Variants in NCK1 observed in about 807,000 individuals in gnomAD.
NCK1 encodes the protein NCK adaptor protein 1, also known as SH2/SH3 adapter protein NCK1.
A neutral mutation model predicts 36.6 loss-of-function variants in NCK1; 19 were observed. The observed-to-expected ratio is 0.52, with a 90% CI of 0.36 to 0.76. The LOEUF is 0.76. Ranked by LOEUF, NCK1 falls within the 30% of genes least tolerant of loss-of-function variation. The pLI is 0.00. For missense variants in NCK1, 358 were observed against 445.6 expected (o/e 0.80, Z 1.77); for synonymous variants, 165 against 156.0 (o/e 1.06, Z -0.43).
In NCK1 at chr3:136,939,098, T is replaced by C. The variant is rs148269729; in HGVS notation, c.227-6485T>C. Reference sequence around the variant, plus strand: ...TTAGTAAAATCCACCAGTGAAACCATCTGGTCCAGAGCACATTTTTGATGC... The same window carrying C: ...TTAGTAAAATCCACCAGTGAAACCACCTGGTCCAGAGCACATTTTTGATGC... On this transcript the variant is annotated intron_variant, in intron 2 of 3. Coordinates refer to ENST00000481752, the MANE Select transcript of NCK1 (RefSeq NM_001291999.2). 1.8e-3 allele frequency among the ~76,000 whole-genome samples: 267 copies of C among 152,348 alleles called. 1 individual carries two copies. Among genetic ancestry groups the C allele is most frequent in the African/African-American group, 6.1e-3 (252 of 41,598 alleles).
chr3:136,864,761 C>CTT (rs747974189), intron 1 of NCK1, among the ~76,000 whole-genome samples: 2 of 108,616 alleles, frequency 1.8e-5, no homozygotes, highest in Admixed American at 1.1e-4. Flanking sequence ...TTTTTCTTTT[C>CTT]TTTTTTTTTT....
Position 136,928,029 on chromosome 3 carries a change from A to C in NCK1, c.28A>C (p.Lys10Gln). 6.2e-7 allele frequency: 1 copy of C among 1,614,198 alleles called. No individual in the cohort carries two copies. The highest frequency in any genetic ancestry group is 8.5e-7 in the Non-Finnish European group (1 of 1,180,018). ...GGCAGAAGAAGTGGTGGTAGTAGCC[A>C]AATTTGATTATGTGGCCCAACAAGA... is the stretch of plus-strand genomic sequence containing the variant. The part of the protein sequence containing the change: MAEEVVVVA[K>Q]FDYVAQQEQE... The change falls in exon 2 of 4, where the codon AAA becomes CAA. Residue 10 changes from lysine (K) to glutamine (Q), a missense_variant. Lys to Gln is a moderately conservative substitution (Grantham distance 53, BLOSUM62 1). Around this residue, in one of 3 missense-constraint regions of NCK1, gnomAD observed 143 missense variants for 162.4 expected, o/e 0.88. Transcript: ENST00000481752.
chr3:136,945,505 T>C lies in NCK1; in HGVS notation c.227-78T>C, dbSNP rs1482347679. On this transcript the variant is annotated intron_variant, in intron 2 of 3. Coordinates refer to ENST00000481752, the MANE Select transcript of NCK1 (RefSeq NM_001291999.2). Reference sequence around the variant, plus strand: ...ATCTATATAGAGTTGAAGATCTCTTTTTAATAATGAATAAGTTCATTCTTT... The same window carrying C: ...ATCTATATAGAGTTGAAGATCTCTTCTTAATAATGAATAAGTTCATTCTTT... 6 of 1,051,224 alleles carry C rather than the reference T, an allele frequency of 5.7e-6. No individual in the cohort carries two copies. The East Asian group carries it at 1.3e-4, about 22-fold the overall frequency. The allele number at this position is 1,051,224 out of a possible 1,614,324, so 65.1% of individuals were successfully genotyped here.
chr3:136,920,234 T>C lies in NCK1; in HGVS notation c.-18-7750T>C, dbSNP rs1026485518. 3.3e-5 allele frequency among the ~76,000 whole-genome samples: 5 copies of C among 152,276 alleles called. No individual in the cohort carries two copies. The South Asian group carries it at 1.0e-3, about 32-fold the overall frequency. Reference sequence around the variant, plus strand: ...GTCAGAAATAAAGGCTACTTAAAAATTAAGTTTTTCTTCTTTTTTTTTAAA... The same window carrying C: ...GTCAGAAATAAAGGCTACTTAAAAACTAAGTTTTTCTTCTTTTTTTTTAAA... On this transcript the variant is annotated intron_variant, in intron 1 of 3. Transcript: ENST00000481752.
chr3:136,868,964 G>A (rs543685295), intron 1 of NCK1, among the ~76,000 whole-genome samples: 2 of 152,186 alleles, frequency 1.3e-5, no homozygotes, highest in African/African-American at 4.8e-5. Context: ...GAGGCCGGGC[G>A]CGGTGGCTCA....
rs564555257 is a variant in NCK1, at chr3:136,887,885, G to C, written c.-19+25532G>C. Reference sequence around the variant, plus strand: ...GCAAGAATTCAAACTGTAATGTTTCGGTTCTTGTTATCTTTTATTCATCGC... The same window carrying C: ...GCAAGAATTCAAACTGTAATGTTTCCGTTCTTGTTATCTTTTATTCATCGC... On this transcript the variant is annotated intron_variant, in intron 1 of 3. Coordinates refer to ENST00000481752, the MANE Select transcript of NCK1 (RefSeq NM_001291999.2). Among the ~76,000 whole-genome samples, 31 of 151,860 alleles carry C rather than the reference G, an allele frequency of 2.0e-4. No homozygotes were observed. The South Asian group carries it at 6.5e-3, about 32-fold the overall frequency.
At chr3:136,883,073 C>A (rs1194547158) in intron 1 of NCK1, among the ~76,000 whole-genome samples, 1 of 152,136 alleles carries the variant, frequency 6.6e-6, no homozygotes, top group Non-Finnish European at 1.5e-5. Flanking sequence ...CATGCGCCAC[C>A]ACACCCAGCT....
intron 2 of NCK1, among the ~76,000 whole-genome samples, chr3:136,943,152 T>C (rs1423149000): frequency 1.3e-5 from 2 of 152,252 alleles, no homozygotes; most frequent in Non-Finnish European, 2.9e-5. Flanking sequence ...TTTTTTTTTT[T>C]ACTAGATTCC....
chr3:136,908,080 T>G (rs772550419), intron 1 of NCK1, among the ~76,000 whole-genome samples: 9 of 152,196 alleles, frequency 5.9e-5, no homozygotes, highest in Non-Finnish European at 1.0e-4. Flanking sequence ...TGTTTACCAT[T>G]CAAAAGTACT....
intron 1 of NCK1, among the ~76,000 whole-genome samples, chr3:136,909,907 G>A (rs1014666153): frequency 6.6e-6 from 1 of 151,880 alleles, no homozygotes; most frequent in African/African-American, 2.4e-5. Flanking sequence ...CTTCTCTTAC[G>A]GTTCCTATGT....
chr3:136,940,035 T>C (rs1247414581), intron 2 of NCK1, among the ~76,000 whole-genome samples: 3 of 151,884 alleles, frequency 2.0e-5, no homozygotes, highest in African/African-American at 7.3e-5. Context: ...TATTTTACTT[T>C]TTATTTTTGT....
At chr3:136,914,608 C>A (rs1404686132) in intron 1 of NCK1, among the ~76,000 whole-genome samples, 5 of 152,112 alleles carry the variant, frequency 3.3e-5, no homozygotes, top group East Asian at 3.8e-4. Context: ...CCATTGGAGA[C>A]CTTTTATTTA....
chr3:136,908,754 T>C (rs1292037608), intron 1 of NCK1, among the ~76,000 whole-genome samples: 1 of 152,200 alleles, frequency 6.6e-6, no homozygotes, highest in African/African-American at 2.4e-5. Flanking sequence ...AGAAAAGATA[T>C]TAAAAGTAGA....
At chr3:136,933,502 C>T (rs181421607) in intron 2 of NCK1, among the ~76,000 whole-genome samples, 297 of 151,842 alleles carry the variant, frequency 2.0e-3, no homozygotes, top group Non-Finnish European at 3.7e-3. Flanking sequence ...AGAAACAGTG[C>T]TATAGGAAAA....
intron 1 of NCK1, among the ~76,000 whole-genome samples, chr3:136,901,140 CT>C (rs1184333190): frequency 6.6e-6 from 1 of 152,054 alleles, no homozygotes; most frequent in African/African-American, 2.4e-5. Context: ...TTATCAAGTG[CT>C]TTTTCTGTGT....
chr3:136,927,052 A>G (rs1576982462), intron 1 of NCK1, among the ~76,000 whole-genome samples: 1 of 151,826 alleles, frequency 6.6e-6, no homozygotes, highest in Non-Finnish European at 1.5e-5. Context: ...GCTAACTGCA[A>G]CCTCCGCCTC....
chr3:136,904,391 G>A (rs1939626596), intron 1 of NCK1, among the ~76,000 whole-genome samples: 1 of 152,118 alleles, frequency 6.6e-6, no homozygotes, highest in African/African-American at 2.4e-5. Flanking sequence ...GGCCTCAAGT[G>A]ATCCACCTGC....
chr3:136,890,554 G>C (rs181861789), intron 1 of NCK1, among the ~76,000 whole-genome samples: 4 of 152,360 alleles, frequency 2.6e-5, no homozygotes, highest in Admixed American at 2.6e-4. Context: ...CCAGCACGCT[G>C]TCACCTCTCA....
intron 2 of NCK1, 83 bp downstream of exon 2, chr3:136,928,310 T>G (rs927588902): frequency 1.5e-6 from 2 of 1,315,036 alleles, no homozygotes; most frequent in African/African-American, 3.0e-5. Context: ...CTGGCAGCAG[T>G]GTGCATAATT....
Sources: allele counts gnomAD v4.1 joint callset (sites outside exome capture counted in the v4.1 genomes callset), GRCh38; gene constraint gnomAD v4.1.1; regional missense constraint gnomAD v4.1.1; transcripts MANE v1.5; gene names NCBI Gene and HGNC (gene_info 2026-07-23, HGNC 2026-07-21).